ZNF398: variants seen among roughly 807,000 people sequenced by gnomAD.
ZNF398 encodes zinc finger DNA binding protein ZER6.
ZNF398 carries 18 observed loss-of-function variants against 41.9 expected under a neutral mutation model. That is an observed-to-expected ratio of 0.43 (90% CI 0.30 to 0.64). The LOEUF (loss-of-function observed/expected upper bound fraction) is 0.64. ZNF398 is among the 30% of genes least tolerant of loss of function. The probability of loss-of-function intolerance (pLI) is 0.14; values close to 1 mark genes in which losing one functional copy is unlikely to be tolerated. For missense variants in ZNF398, 669 were observed against 822.8 expected (o/e 0.81, Z 2.29); for synonymous variants, 260 against 308.8 (o/e 0.84, Z 1.66).
intron 4 of ZNF398, among the ~76,000 whole-genome samples, chr7:149,171,439 G>A (rs934956677): frequency 2.0e-5 from 3 of 151,364 alleles, no homozygotes; most frequent in Non-Finnish European, 2.9e-5. Flanking sequence ...CGCAGTCTCC[G>A]CTCACTGCAA....
intron 2 of ZNF398, among the ~76,000 whole-genome samples, chr7:149,140,650 T>G (rs143459235): frequency 6.6e-6 from 1 of 152,036 alleles, no homozygotes; most frequent in Non-Finnish European, 1.5e-5. Flanking sequence ...TCCCAAAGTG[T>G]TGGGATTACA....
In ZNF398 at chr7:149,179,337, G is replaced by C. The variant is rs772451581; in HGVS notation, c.1465G>C (p.Gly489Arg). The part of the protein sequence containing the change: ...QERPFSCPQC[G>R]IDFNGHSALI... ...GCGCCCTTTCTCCTGCCCTCAGTGTGGCATTGACTTCAACGGCCACTCGGC... is the reference window on the plus strand; with the variant it reads ...GCGCCCTTTCTCCTGCCCTCAGTGTCGCATTGACTTCAACGGCCACTCGGC... Residue 489 changes from glycine (G) to arginine (R), a missense_variant, in exon 6 of 6, where the codon GGC becomes CGC. By Grantham distance (125) the Gly-to-Arg change is moderately radical (BLOSUM62 -2). Transcript: ENST00000475153. The surrounding 1 kb of genome is among the most constrained non-coding windows in gnomAD (Gnocchi z 6.1). The C allele has an allele frequency of 7.4e-6, 12 of 1,613,422 alleles. No homozygotes were observed. The highest frequency in any genetic ancestry group is 7.6e-6 in the Non-Finnish European group (9 of 1,180,024).
chr7:149,134,461 C>G (rs975298934), intron 2 of ZNF398, among the ~76,000 whole-genome samples: 1 of 151,476 alleles, frequency 6.6e-6, no homozygotes, highest in Non-Finnish European at 1.5e-5. Flanking sequence ...GATAATAGCT[C>G]ACTGCAGCCT....
chr7:149,129,420 C>T (rs1160651561), intron 2 of ZNF398, among the ~76,000 whole-genome samples: 2 of 152,066 alleles, frequency 1.3e-5, no homozygotes, highest in Admixed American at 6.6e-5. Context: ...TGCTCTGTTG[C>T]CCAGGCTAGA....
intron 2 of ZNF398, among the ~76,000 whole-genome samples, chr7:149,158,932 C>T (rs766226882): frequency 1.3e-5 from 2 of 151,514 alleles, no homozygotes; most frequent in Non-Finnish European, 2.9e-5. Flanking sequence ...AACAGTTAAA[C>T]TGTCCATCTT....
At chr7:149,141,820 A>T (rs1037732336) in intron 2 of ZNF398, among the ~76,000 whole-genome samples, 1 of 151,868 alleles carries the variant, frequency 6.6e-6, no homozygotes, top group Non-Finnish European at 1.5e-5. Flanking sequence ...AACTCCTGAC[A>T]TCAGGTGATC....
chr7:149,130,914 G>T (rs1048002002), intron 2 of ZNF398, among the ~76,000 whole-genome samples: 9 of 152,184 alleles, frequency 5.9e-5, no homozygotes, highest in African/African-American at 1.9e-4. Flanking sequence ...ACATGAATTG[G>T]TTAGGGGTAA....
chr7:149,139,878 AC>A (rs1305922809), intron 2 of ZNF398, among the ~76,000 whole-genome samples: 1 of 150,854 alleles, frequency 6.6e-6, no homozygotes, highest in South Asian at 2.1e-4. Flanking sequence ...GGTGGCGGGC[AC>A]CTGTGGTCCC....
intron 2 of ZNF398, among the ~76,000 whole-genome samples, chr7:149,155,883 T>C (rs1327703543): frequency 6.6e-6 from 1 of 151,500 alleles, no homozygotes; most frequent in Non-Finnish European, 1.5e-5. Context: ...TCCGTCACCA[T>C]GCCCAGCTAA....
chr7:149,173,091 CTATTTTTTTTT>C (rs1224863418), intron 4 of ZNF398, among the ~76,000 whole-genome samples: 71 of 67,190 alleles, frequency 1.1e-3, no homozygotes, highest in African/African-American at 3.3e-3. Context: ...GTGGCAATTT[CTATTTTTTTTT>C]TTTTTTTTTT....
At chr7:149,134,838 C>G (rs1826676780) in intron 2 of ZNF398, among the ~76,000 whole-genome samples, 1 of 152,144 alleles carries the variant, frequency 6.6e-6, no homozygotes, top group Non-Finnish European at 1.5e-5. Context: ...TCAAGCAATT[C>G]TCATGCCTCA....
At chr7:149,171,442 C>T (rs995699770) in intron 4 of ZNF398, among the ~76,000 whole-genome samples, 24 of 151,786 alleles carry the variant, frequency 1.6e-4, no homozygotes, top group African/African-American at 4.1e-4. Flanking sequence ...AGTCTCCGCT[C>T]ACTGCAACTT....
intron 2 of ZNF398, among the ~76,000 whole-genome samples, chr7:149,161,021 C>G (rs1178699757): frequency 6.6e-6 from 1 of 152,098 alleles, no homozygotes; most frequent in Non-Finnish European, 1.5e-5. Context: ...CAACGCTGCC[C>G]TCTTGACCCT....
Position 149,147,712 on chromosome 7 carries a change from TTC to T in ZNF398, c.-30_-29del. 1 of 1,291,672 alleles carries T rather than the reference TTC, an allele frequency of 7.7e-7. No individual in the cohort carries two copies. Among genetic ancestry groups the T allele is most frequent in the Non-Finnish European group, 9.8e-7 (1 of 1,022,324 alleles). 80.0% of individuals were successfully genotyped at this position (1,291,672 alleles called of 1,614,324 possible). On this transcript the variant is annotated 5_prime_UTR_variant, in exon 1 of 6. Coordinates refer to ENST00000475153, the MANE Select transcript of ZNF398 (RefSeq NM_170686.3). This position sits in a 1 kb window ranked among gnomAD's most constrained non-coding sequence, Gnocchi z 5.6. Reference sequence around the variant, plus strand: ...TGGCAGCGGCGGCAGCGGCGGCGACTTCCGAGGCCCGGGCTAGACAGCGCAGG... The same window carrying T: ...TGGCAGCGGCGGCAGCGGCGGCGACTCGAGGCCCGGGCTAGACAGCGCAGG...
rs1196312521 is a variant in ZNF398 at position 149,154,040 on chromosome 7, T to G, written c.120T>G (p.Ala40=). ...AANEAHLQTA[A]ISLWTVVAAV... is the part of the protein sequence containing the mutation. ...ATGAGGCACACCTGCAGACAGCAGC[T>G]ATCTCTCTGTGGACAGTGGTGGCCG... Residue 40 remains alanine, a synonymous_variant, in exon 2 of 6, where the codon GCT becomes GCG. Coordinates refer to ENST00000475153, the MANE Select transcript of ZNF398 (RefSeq NM_170686.3). The G allele has an allele frequency of 6.2e-7, 1 of 1,614,076 alleles. No individual in the cohort carries two copies. The highest frequency in any genetic ancestry group is 1.3e-5 in the African/African-American group (1 of 74,922).
intron 5 of ZNF398, among the ~76,000 whole-genome samples, chr7:149,177,117 T>TG (rs71192764): frequency 0.074 from 11,292 of 152,040 alleles, 409 homozygotes; most frequent in Middle Eastern, 0.092. Context: ...TAATGCATTC[T>TG]GTTTTTTTTT....
In ZNF398 at chr7:149,182,571, A is replaced by G. The variant is rs1262195404; in HGVS notation, c.*2770A>G. On this transcript the variant is annotated 3_prime_UTR_variant, in exon 6 of 6. Transcript: ENST00000475153. ...GAGAACTGCTTGTCATGACCAGACA[A>G]GATAGGAAAGGGGAAACCCCAGAAA... 1 of 152,244 alleles carries G rather than the reference A, an allele frequency of 6.6e-6. No individual in the cohort carries two copies. The highest frequency in any genetic ancestry group is 1.5e-5 in the Non-Finnish European group (1 of 68,050). The allele number at this position is 152,244 out of a possible 1,614,324, so 9.4% of individuals were successfully genotyped here.
intron 5 of ZNF398, among the ~76,000 whole-genome samples, chr7:149,177,408 T>C (rs1795486140): frequency 6.6e-6 from 1 of 151,990 alleles, no homozygotes; most frequent in Admixed American, 6.6e-5. Context: ...AAGACCAGCC[T>C]GGGTAACATA....
At position 149,147,741 on chromosome 7, in the gene ZNF398, C is replaced by T; in HGVS notation, c.-2C>T. On this transcript the variant is annotated 5_prime_UTR_variant, in exon 1 of 6. Coordinates refer to ENST00000475153, the MANE Select transcript of ZNF398 (RefSeq NM_170686.3). The surrounding 1 kb of genome is among the most constrained non-coding windows in gnomAD (Gnocchi z 5.6). ...GAGGCCCGGGCTAGACAGCGCAGGG[C>T]CATGGCTGAGGCGGCCCCGGCCCCG... The T allele has an allele frequency of 7.3e-7, 1 of 1,378,334 alleles. No individual in the cohort carries two copies. 85.4% of individuals were successfully genotyped at this position (1,378,334 alleles called of 1,614,324 possible). A position where few individuals can be genotyped will look rare whatever the true frequency, so the allele number is the denominator to read the frequency against.
Sources: gnomAD v4.1 joint callset for allele counts (sites outside exome capture counted in the v4.1 genomes callset) on GRCh38, gnomAD v4.1.1 for gene constraint, Gnocchi (gnomAD v3.1) non-coding constraint, MANE v1.5 for transcripts, NCBI Gene and HGNC (gene_info 2026-07-23, HGNC 2026-07-21) for gene names.